Variants in RBFOX1 observed in about 807,000 individuals in gnomAD.
RBFOX1 encodes RNA binding protein fox-1 homolog 1.
A neutral mutation model predicts 57.7 loss-of-function variants in RBFOX1; 8 were observed. That is an observed-to-expected ratio of 0.14 (90% confidence interval 0.08 to 0.25). RBFOX1 has a LOEUF of 0.25. RBFOX1 is among the 10% of genes least tolerant of loss of function. The pLI is 1.00. For synonymous variants in RBFOX1, 326 were observed against 222.4 expected, an observed-to-expected ratio of 1.47 and a Z score of -4.15; for missense variants, 611 against 548.5, an observed-to-expected ratio of 1.11 and a Z score of -1.14.
intron 14 of RBFOX1, among the ~76,000 whole-genome samples, chr16:7,705,580 A>T (rs886814216): frequency 3.9e-5 from 6 of 152,186 alleles, no homozygotes; most frequent in African/African-American, 1.4e-4. Flanking sequence ...AGATTGAAAG[A>T]GGGACAGAGG....
At chr16:6,301,531 T>C (rs2078819420) in intron 1 of RBFOX1, among the ~76,000 whole-genome samples, 1 of 152,130 alleles carries the variant, frequency 6.6e-6, no homozygotes, top group Non-Finnish European at 1.5e-5. Flanking sequence ...GTGAGTAAAA[T>C]TAACTCCATG....
intron 1 of RBFOX1, among the ~76,000 whole-genome samples, chr16:6,242,048 T>G (rs191989763): frequency 8.9e-4 from 135 of 152,318 alleles, no homozygotes; most frequent in Middle Eastern, 3.4e-3. Flanking sequence ...TAGAATAAAA[T>G]TTGAAATTGA....
chr16:6,449,902 C>A (rs2094555739), intron 2 of RBFOX1, among the ~76,000 whole-genome samples: 2 of 152,132 alleles, frequency 1.3e-5, no homozygotes, highest in African/African-American at 4.8e-5. Flanking sequence ...GGATGTTTTC[C>A]CTTCATTTCT....
chr16:6,918,231 G>C (rs2073681731), intron 3 of RBFOX1, among the ~76,000 whole-genome samples: 1 of 150,886 alleles, frequency 6.6e-6, no homozygotes, highest in Non-Finnish European at 1.5e-5. Flanking sequence ...GCAGTGAGCT[G>C]AGATTGTACC....
At chr16:7,506,109 C>T (rs777277183) in intron 4 of RBFOX1, among the ~76,000 whole-genome samples, 8 of 145,186 alleles carry the variant, frequency 5.5e-5, no homozygotes, top group South Asian at 2.2e-4. Context: ...TGCTTGAACC[C>T]AGGAGGCGGA....
chr16:5,797,101 C>T (rs1398576632), intron 3 of RBFOX1, among the ~76,000 whole-genome samples: 1 of 152,098 alleles, frequency 6.6e-6, no homozygotes, highest in African/African-American at 2.4e-5. Context: ...GTGAGGTCAT[C>T]TTTGTATAGG....
chr16:6,771,817 C>G (rs2078344306), intron 3 of RBFOX1, among the ~76,000 whole-genome samples: 3 of 152,138 alleles, frequency 2.0e-5, no homozygotes, highest in African/African-American at 7.2e-5. Flanking sequence ...GCAATTGTAC[C>G]AAGACTGAGA....
chr16:7,454,102 C>A (rs1029956500), intron 4 of RBFOX1, among the ~76,000 whole-genome samples: 20 of 152,080 alleles, frequency 1.3e-4, no homozygotes, highest in African/African-American at 4.8e-4. Flanking sequence ...GTGTGGTGGC[C>A]CATGCCTGTA....
chr16:6,648,251 C>G (rs991244894), intron 2 of RBFOX1, among the ~76,000 whole-genome samples: 4 of 151,842 alleles, frequency 2.6e-5, no homozygotes, highest in African/African-American at 9.7e-5. Context: ...TGTAGAGACA[C>G]TGTCTCCCTA....
chr16:6,739,088 A>G (rs550334285), intron 3 of RBFOX1, among the ~76,000 whole-genome samples: 3 of 152,262 alleles, frequency 2.0e-5, no homozygotes, highest in East Asian at 3.9e-4. Context: ...AAATAGGGAA[A>G]GAAGAGCTAA....
intron 4 of RBFOX1, among the ~76,000 whole-genome samples, chr16:7,216,318 C>G (rs892953119): frequency 1.4e-5 from 2 of 140,944 alleles, no homozygotes; most frequent in Non-Finnish European, 3.1e-5. Flanking sequence ...TTTGACTTGT[C>G]TAAGCCACTG....
intron 4 of RBFOX1, among the ~76,000 whole-genome samples, chr16:7,116,838 C>T (rs765362424): frequency 6.6e-6 from 1 of 152,114 alleles, no homozygotes; most frequent in Non-Finnish European, 1.5e-5. Context: ...CACAGACCAT[C>T]CCCTCAAGGG....
chr16:7,170,315 C>T (rs1040156244), intron 4 of RBFOX1, among the ~76,000 whole-genome samples: 2 of 152,182 alleles, frequency 1.3e-5, no homozygotes, highest in Non-Finnish European at 2.9e-5. Context: ...CTCTGTCTTT[C>T]AGACTGGAGT....
At chr16:6,139,653 T>C (rs1343243379) in intron 1 of RBFOX1, among the ~76,000 whole-genome samples, 1 of 152,236 alleles carries the variant, frequency 6.6e-6, no homozygotes, top group African/African-American at 2.4e-5. Context: ...CCTCTGTGAT[T>C]GTCCATGAAT....
chr16:6,689,456 G>A (rs1309865902), intron 3 of RBFOX1, among the ~76,000 whole-genome samples: 3 of 152,054 alleles, frequency 2.0e-5, no homozygotes, highest in Non-Finnish European at 4.4e-5. Flanking sequence ...TTCTTCTCAT[G>A]TGTTTTAAAT....
intron 3 of RBFOX1, among the ~76,000 whole-genome samples, chr16:6,819,735 C>A (rs112352783): frequency 0.11 from 4,569 of 41,836 alleles, 319 homozygotes; most frequent in African/African-American, 0.13. Flanking sequence ...AAAAAAATAA[C>A]AACACCAAAA....
intron 4 of RBFOX1, among the ~76,000 whole-genome samples, chr16:7,317,428 CCACCACTAT>C (rs2096464464): frequency 6.6e-6 from 1 of 152,122 alleles, no homozygotes; most frequent in African/African-American, 2.4e-5. Context: ...TCTACCATCA[CCACCACTAT>C]CACCACTGTC....
intron 3 of RBFOX1, among the ~76,000 whole-genome samples, chr16:6,963,397 T>C (rs2083425870): frequency 6.6e-6 from 1 of 152,092 alleles, no homozygotes; most frequent in South Asian, 2.1e-4. Flanking sequence ...CACACACACT[T>C]GAAATAAAAA....
At chr16:7,623,116 C>G (rs900352195) in intron 10 of RBFOX1, among the ~76,000 whole-genome samples, 69 of 152,230 alleles carry the variant, frequency 4.5e-4, no homozygotes, top group South Asian at 1.9e-3. Flanking sequence ...GTAGGGGACT[C>G]TCATTATAAG....
Sources: allele counts gnomAD v4.1 joint callset (sites outside exome capture counted in the v4.1 genomes callset), GRCh38; gene constraint gnomAD v4.1.1; transcripts MANE v1.5; gene names NCBI Gene and HGNC (gene_info 2026-07-23, HGNC 2026-07-21).